Variants in HSD17B14 observed in about 807,000 individuals in gnomAD.
HSD17B14 encodes the protein L-fucose dehydrogenase.
HSD17B14 carries 32 observed loss-of-function variants against 32.2 expected under a neutral mutation model. The observed-to-expected ratio is 0.99, with a 90% CI of 0.75 to 1.33. The LOEUF (loss-of-function observed/expected upper bound fraction) is 1.33, where lower values mean the gene tolerates loss of function less well. Ranked by LOEUF, HSD17B14 falls within the 40% of genes most tolerant of loss-of-function variation. HSD17B14 has a pLI of 0.00. For synonymous variants in HSD17B14, 140 were observed against 155.4 expected (o/e 0.90, Z 0.74); for missense variants, 370 against 366.5 (o/e 1.01, Z -0.08).
At chr19:48,822,875 G>A (rs2035184819) in intron 5 of HSD17B14, among the ~76,000 whole-genome samples, 1 of 152,076 alleles carries the variant, frequency 6.6e-6, no homozygotes, top group South Asian at 2.1e-4. Flanking sequence ...TGGTGAAAAT[G>A]GTGATGGTGA....
rs2122735774 is a variant in HSD17B14 at position 48,815,100 on chromosome 19, G to A, written c.411C>T (p.Ile137=). The change falls in exon 6 of 9, where the codon ATC becomes ATT. Residue 137 remains isoleucine (I), a synonymous_variant. Coordinates refer to ENST00000263278, the MANE Select transcript of HSD17B14 (RefSeq NM_016246.3). The stretch of plus-strand genomic sequence containing the variant: ...TTGCCCCCACCAGGCTGGAGATGTT[G>A]ATGACATTCCCTTGACTCTTCCGCA... ...PYLRKSQGNV[I]NISSLVGAIG... is the part of the protein sequence containing the mutation. 1 of 1,613,954 alleles carries A rather than the reference G, an allele frequency of 6.2e-7. No homozygotes were observed.
At chr19:48,834,390 C>A in intron 2 of HSD17B14, 32 bp from the exon 3 acceptor site, 2 of 1,370,404 alleles carry the variant, frequency 1.5e-6, no homozygotes, top group African/African-American at 1.4e-5. Flanking sequence ...GAGCCTGGAC[C>A]CCTGGGTCTC....
chr19:48,819,113 C>T (rs543948344), intron 5 of HSD17B14, among the ~76,000 whole-genome samples: 2 of 152,258 alleles, frequency 1.3e-5, no homozygotes, highest in Non-Finnish European at 2.9e-5. Context: ...CTCAGCCTCC[C>T]GAGTAGCTGG....
chr19:48,819,975 T>A (rs2035118674), intron 5 of HSD17B14, among the ~76,000 whole-genome samples: 1 of 151,318 alleles, frequency 6.6e-6, no homozygotes, highest in Non-Finnish European at 1.5e-5. Context: ...ATGGTGAGAC[T>A]CCCTCGCAGC....
At chr19:48,825,370 G>A (rs561324390) in intron 5 of HSD17B14, among the ~76,000 whole-genome samples, 7 of 151,656 alleles carry the variant, frequency 4.6e-5, no homozygotes, top group Non-Finnish European at 8.8e-5. Context: ...GGAATGCAGC[G>A]GCACAATCAT....
At chr19:48,827,486 G>A (rs2035269634) in intron 5 of HSD17B14, among the ~76,000 whole-genome samples, 1 of 152,064 alleles carries the variant, frequency 6.6e-6, no homozygotes, top group African/African-American at 2.4e-5. Context: ...GTGGATGTTT[G>A]TGTGCAGCTG....
intron 1 of HSD17B14, 110 bp from the exon 2 acceptor site, chr19:48,835,953 G>T: frequency 1.1e-6 from 1 of 942,012 alleles, no homozygotes; most frequent in Non-Finnish European, 1.7e-6. Flanking sequence ...CGTGACCCCA[G>T]TCTCATGATC....
At position 48,813,159 on chromosome 19, in the gene HSD17B14, G is replaced by C; in HGVS notation, c.*16C>G. The C allele has an allele frequency of 6.4e-7, 1 of 1,565,608 alleles. No homozygotes were observed. The highest frequency in any genetic ancestry group is 1.2e-5 in the South Asian group (1 of 85,178). On this transcript the variant is annotated 3_prime_UTR_variant, in exon 9 of 9. Transcript: ENST00000263278. ...GAGAGTCCTAGGAAGGGGGCCCCAA[G>C]TAGAAATGAGAGAAATCAGGAAGGG...
chr19:48,815,316 C>G (rs993364687), intron 5 of HSD17B14, among the ~76,000 whole-genome samples, 175 bp from the exon 6 acceptor site: 1 of 152,088 alleles, frequency 6.6e-6, no homozygotes, highest in East Asian at 1.9e-4. Flanking sequence ...CTGGTTTGCC[C>G]TGGGGTCGCT....
chr19:48,822,602 G>C (rs62640411), intron 5 of HSD17B14, among the ~76,000 whole-genome samples: 21,169 of 151,488 alleles, frequency 0.14, 1,970 homozygotes, highest in Non-Finnish European at 0.21. Context: ...TGAGGATGGT[G>C]ATGGTGATGA....
chr19:48,825,436 T>C (rs965594831), intron 5 of HSD17B14, among the ~76,000 whole-genome samples: 4 of 151,790 alleles, frequency 2.6e-5, no homozygotes, highest in African/African-American at 9.7e-5. Context: ...GCCTCTTGAG[T>C]AGCTGCGACT....
intron 2 of HSD17B14, among the ~76,000 whole-genome samples, chr19:48,834,578 G>C (rs1457206493): frequency 1.4e-5 from 1 of 71,974 alleles, no homozygotes. Context: ...CTGGACTCCT[G>C]GGTCCGAGGA....
At chr19:48,835,620 A>G (rs1348154982) in intron 2 of HSD17B14, among the ~76,000 whole-genome samples, 185 bp downstream of exon 2, 104 of 106,690 alleles carry the variant, frequency 9.7e-4, no homozygotes, top group Middle Eastern at 6.5e-3. Context: ...GTCTGAGGGC[A>G]GAGGGGCTGG....
At chr19:48,822,716 G>A (rs941425042) in intron 5 of HSD17B14, among the ~76,000 whole-genome samples, 1 of 151,952 alleles carries the variant, frequency 6.6e-6, no homozygotes, top group Admixed American at 6.6e-5. Flanking sequence ...TGTCATTGAT[G>A]GTGATGCTGT....
rs772197700 is a variant in HSD17B14, at chr19:48,832,711, G to C, written c.232C>G (p.Arg78Gly). 1.9e-6 allele frequency: 3 copies of C among 1,613,152 alleles called. No individual in the cohort carries two copies. The African/African-American group carries it at 4.0e-5, about 22-fold the overall frequency. The change falls in exon 4 of 9, where the codon CGC becomes GGC. Residue 78 changes from arginine to glycine, a missense_variant. Physicochemically the swap from Arg to Gly is moderately radical, Grantham distance 125. Coordinates refer to ENST00000263278, the MANE Select transcript of HSD17B14 (RefSeq NM_016246.3). ...DVKTLVSETIRRFGRLDCVVN... is the reference protein window; with the variant it reads ...DVKTLVSETIGRFGRLDCVVN... ...ACACAATCCAGGCGGCCAAATCGGC[G>C]GATGGTCTCAGAAACCAGGGTCTGA...
rs766099641 is a variant in HSD17B14, at chr19:48,835,836, G to A, written c.96C>T (p.Ser32=). The change falls in exon 2 of 9, where the codon AGC becomes AGT. Residue 32 remains serine (S), a synonymous_variant. Transcript: ENST00000263278. ...TGTCGCAGATAACCACTCGGGCCCC[G>A]CTGTTCACTGAGAATAGGAAGGGAA... is the stretch of plus-strand genomic sequence containing the variant. ...GAGIVRAFVN[S]GARVVICDKD... is the part of the protein sequence containing the mutation. 58 of 1,613,542 alleles carry A rather than the reference G, an allele frequency of 3.6e-5. No homozygotes were observed. In the South Asian group the frequency reaches 4.9e-4, roughly 14 times the overall value.
intron 5 of HSD17B14, among the ~76,000 whole-genome samples, chr19:48,823,035 G>C (rs1032876053): frequency 3.3e-5 from 5 of 152,128 alleles, no homozygotes; most frequent in African/African-American, 4.8e-5. Context: ...TGCCCTCAGG[G>C]AAAACAAAGG....
intron 2 of HSD17B14, among the ~76,000 whole-genome samples, chr19:48,835,353 G>A (rs1379572232): frequency 8.0e-6 from 1 of 124,466 alleles, no homozygotes; most frequent in African/African-American, 3.3e-5. Flanking sequence ...TGGACTCCTG[G>A]GTCTGAGGGA....
In HSD17B14 at chr19:48,834,356, ACT is replaced by A. The variant is rs545319230; in HGVS notation, c.128_129del (p.Glu43ValfsTer19). On this transcript the variant is annotated frameshift_variant and splice_region_variant, in exon 3 of 9. Coordinates refer to ENST00000263278, the MANE Select transcript of HSD17B14 (RefSeq NM_016246.3). LOFTEE classifies it high-confidence loss of function. ...TCCTGCTCCAGGGCCCGGCCCCCAGACTCTGCAGGGAGAGAAGAGCTGGGAGC... is the reference window on the plus strand; with the variant it reads ...TCCTGCTCCAGGGCCCGGCCCCCAGACTGCAGGGAGAGAAGAGCTGGGAGC... Reference protein sequence around the residue: ...GARVVICDKDESGGRALEQEL... With the variant: ...GARVVICDKDXSGGRALEQEL... 5 of 1,612,342 alleles carry A rather than the reference ACT, an allele frequency of 3.1e-6. No homozygotes were observed. In the South Asian group the frequency reaches 5.5e-5, roughly 18 times the overall value.
Sources: allele counts gnomAD v4.1 joint callset (sites outside exome capture counted in the v4.1 genomes callset), GRCh38; gene constraint gnomAD v4.1.1; transcripts MANE v1.5; gene names NCBI Gene and HGNC (gene_info 2026-07-23, HGNC 2026-07-21).